The following SRBD1 variants were observed in gnomAD, a reference collection of about 807,000 sequenced individuals.
The protein encoded by SRBD1 is S1 RNA-binding domain-containing protein 1.
Under a neutral mutation model 115.3 loss-of-function variants are expected in SRBD1, and 88 were observed. That is an observed-to-expected ratio of 0.76 (90% confidence interval 0.64 to 0.91). The LOEUF (loss-of-function observed/expected upper bound fraction) is 0.91. Among genes scored for constraint, SRBD1 ranks in the 40% least tolerant of loss-of-function variants. SRBD1 has a pLI of 0.00. For missense variants in SRBD1, 1,385 were observed against 1,177.4 expected (o/e 1.18, Z -2.58); for synonymous variants, 509 against 407.7 (o/e 1.25, Z -2.99).
chr2:45,577,542 G>T (rs187664621), intron 7 of SRBD1, among the ~76,000 whole-genome samples: 87 of 152,180 alleles, frequency 5.7e-4, no homozygotes, highest in Middle Eastern at 3.4e-3. Flanking sequence ...TCTTGGACAC[G>T]AAAGTAGTAT....
At chr2:45,440,808 G>C (rs1378801563) in intron 16 of SRBD1, among the ~76,000 whole-genome samples, 1 of 152,142 alleles carries the variant, frequency 6.6e-6, no homozygotes. Context: ...CAGAAAGAGA[G>C]AGACAGAAAT....
chr2:45,537,309 C>T (rs556843365), intron 14 of SRBD1, among the ~76,000 whole-genome samples: 2 of 152,250 alleles, frequency 1.3e-5, no homozygotes, highest in East Asian at 3.9e-4. Flanking sequence ...GTCACTATCG[C>T]CTTACCTTGC....
chr2:45,414,609 G>C (rs1463764603), intron 18 of SRBD1, among the ~76,000 whole-genome samples: 1 of 132,044 alleles, frequency 7.6e-6, no homozygotes, highest in Non-Finnish European at 1.7e-5. Flanking sequence ...AGTGTGTATA[G>C]TGTGTGTACA....
At chr2:45,427,010 T>C (rs759930261) in intron 16 of SRBD1, among the ~76,000 whole-genome samples, 1 of 152,148 alleles carries the variant, frequency 6.6e-6, no homozygotes, top group Non-Finnish European at 1.5e-5. Flanking sequence ...TTGATGAAAT[T>C]GACAGAAGTA....
At chr2:45,441,832 A>C (rs1246179320) in intron 16 of SRBD1, among the ~76,000 whole-genome samples, 1 of 152,160 alleles carries the variant, frequency 6.6e-6, no homozygotes, top group Non-Finnish European at 1.5e-5. Flanking sequence ...CAAACTCAGA[A>C]ATTTTAAAGT....
chr2:45,586,090 G>C (rs1673513155), intron 4 of SRBD1, among the ~76,000 whole-genome samples: 1 of 152,072 alleles, frequency 6.6e-6, no homozygotes, highest in East Asian at 1.9e-4. Context: ...GCAAGGAGTT[G>C]GTAACTCACT....
intron 9 of SRBD1, 72 bp from the exon 10 acceptor site, chr2:45,562,828 G>A: frequency 2.2e-6 from 2 of 898,960 alleles, no homozygotes; most frequent in East Asian, 2.7e-5. Context: ...CTATGTAGCT[G>A]ACAGCTATAT....
intron 14 of SRBD1, among the ~76,000 whole-genome samples, chr2:45,540,983 G>A (rs1028319458): frequency 6.6e-6 from 1 of 152,194 alleles, no homozygotes; most frequent in Non-Finnish European, 1.5e-5. Context: ...GCCTTTGTCC[G>A]AGTTTTGCTC....
intron 5 of SRBD1, among the ~76,000 whole-genome samples, chr2:45,582,111 G>C (rs1034013769): frequency 6.6e-6 from 1 of 152,166 alleles, no homozygotes; most frequent in Non-Finnish European, 1.5e-5. Context: ...ATCCTTTATA[G>C]TGGATTCAGT....
chr2:45,484,160 T>C (rs1171833310), intron 15 of SRBD1, among the ~76,000 whole-genome samples: 1 of 152,122 alleles, frequency 6.6e-6, no homozygotes, highest in Non-Finnish European at 1.5e-5. Flanking sequence ...ATATTAATAG[T>C]AGAAGTTTTC....
Position 45,580,092 on chromosome 2 carries a change from A to G in SRBD1, c.934-79T>C, listed in dbSNP as rs936880224. 6 of 1,151,772 alleles carry G rather than the reference A, an allele frequency of 5.2e-6. No homozygotes were observed. In the South Asian group the frequency reaches 8.8e-5, roughly 17 times the overall value. The allele number at this position is 1,151,772 out of a possible 1,614,324, so 71.3% of individuals were successfully genotyped here. On this transcript the variant is annotated intron_variant, in intron 6 of 20. Transcript: ENST00000263736. The stretch of plus-strand genomic sequence containing the variant: ...AAACTAGGTTACAAAATTAGAGGAC[A>G]TGCTGAGAATGCTAAAGAAATCCTT...
At chr2:45,485,489 T>G (rs548391335) in intron 15 of SRBD1, among the ~76,000 whole-genome samples, 27 of 152,292 alleles carry the variant, frequency 1.8e-4, no homozygotes, top group African/African-American at 5.8e-4. Flanking sequence ...AAACATACAC[T>G]CAATCTTCCA....
intron 19 of SRBD1, among the ~76,000 whole-genome samples, chr2:45,403,891 T>C (rs1216084257): frequency 6.6e-6 from 1 of 152,172 alleles, no homozygotes; most frequent in African/African-American, 2.4e-5. Context: ...TTTGTACTCT[T>C]ATTTTAATAT....
chr2:45,578,325 G>C (rs10196893), intron 7 of SRBD1, among the ~76,000 whole-genome samples: 13,340 of 152,142 alleles, frequency 0.088, 1,089 homozygotes, highest in African/African-American at 0.22. Flanking sequence ...AAAATATTAA[G>C]TGTTGCAACC....
chr2:45,413,931 CA>C lies in SRBD1; in HGVS notation c.2334-639del, dbSNP rs891644285. On this transcript the variant is annotated intron_variant, in intron 18 of 20. Transcript: ENST00000263736. ...TGGGCAACAGAGGGAGAGACTGTCT[CA>C]AAAAAAAAGAAAGAAAAGAAAAGCA... Among the ~76,000 whole-genome samples the C allele has an allele frequency of 4.1e-5, 6 of 146,718 alleles. No homozygotes were observed. The South Asian group carries it at 6.5e-4, about 16-fold the overall frequency.
chr2:45,478,854 T>C (rs143536639), intron 15 of SRBD1, among the ~76,000 whole-genome samples: 1,966 of 152,316 alleles, frequency 0.013, 20 homozygotes, highest in Admixed American at 0.034. Flanking sequence ...CATTTTGCTT[T>C]ATTGTGCTTC....
At chr2:45,525,312 T>G (rs946186805) in intron 14 of SRBD1, among the ~76,000 whole-genome samples, 6 of 152,010 alleles carry the variant, frequency 3.9e-5, no homozygotes, top group Non-Finnish European at 7.4e-5. Context: ...AATTTAAAAC[T>G]TTTGTGCTTC....
At chr2:45,601,472 T>C (rs1558506360) in intron 3 of SRBD1, among the ~76,000 whole-genome samples, 1 of 152,250 alleles carries the variant, frequency 6.6e-6, no homozygotes, top group Non-Finnish European at 1.5e-5. Flanking sequence ...GACAAAATCA[T>C]GTTCCTAACT....
At chr2:45,572,932 G>C (rs1217947741) in intron 9 of SRBD1, among the ~76,000 whole-genome samples, 2 of 152,086 alleles carry the variant, frequency 1.3e-5, no homozygotes, top group African/African-American at 4.8e-5. Context: ...GGGAAGCAGA[G>C]TCTAACAAAA....
Sources: allele counts gnomAD v4.1 joint callset (sites outside exome capture counted in the v4.1 genomes callset), GRCh38; gene constraint gnomAD v4.1.1; transcripts MANE v1.5; gene names NCBI Gene and HGNC (gene_info 2026-07-23, HGNC 2026-07-21).